Variants in IQSEC3 observed in about 807,000 individuals in gnomAD.
IQSEC3 encodes the protein IQ motif and SEC7 domain-containing protein 3.
Under a neutral mutation model 105.4 loss-of-function variants are expected in IQSEC3, and 50 were observed. The observed-to-expected ratio is 0.47, with a 90% CI of 0.38 to 0.60. IQSEC3 has a LOEUF of 0.60. Ranked by LOEUF, IQSEC3 falls within the 20% of genes least tolerant of loss-of-function variation. IQSEC3 has a pLI of 0.00. For synonymous variants in IQSEC3, 708 were observed against 746.0 expected (o/e 0.95, Z 0.83); for missense variants, 1,415 against 1,630.0 (o/e 0.87, Z 2.27).
intron 5 of IQSEC3, among the ~76,000 whole-genome samples, chr12:155,605 C>T (rs535844158): frequency 6.6e-6 from 1 of 152,306 alleles, no homozygotes; most frequent in Non-Finnish European, 1.5e-5. Context: ...TTGTTTTCTC[C>T]TAAAAACTGA....
chr12:165,920 T>G lies in IQSEC3; in HGVS notation c.2971+30T>G, dbSNP rs782035578. 2.5e-6 allele frequency: 4 copies of G among 1,605,406 alleles called. No homozygotes were observed. The South Asian group carries it at 4.4e-5, about 18-fold the overall frequency. Reference sequence around the variant, plus strand: ...GGACACGGGCTCCCGAGGCAGCTGGTGGGGGTTCCCATTCAGCAAGGGACA... The same window carrying G: ...GGACACGGGCTCCCGAGGCAGCTGGGGGGGGTTCCCATTCAGCAAGGGACA... On this transcript the variant is annotated intron_variant, in intron 11 of 13. Transcript: ENST00000538872.
At chr12:135,028 G>T (rs1865717171) in intron 3 of IQSEC3, among the ~76,000 whole-genome samples, 2 of 152,260 alleles carry the variant, frequency 1.3e-5, no homozygotes, top group African/African-American at 4.8e-5. Flanking sequence ...TACTCAGGAG[G>T]CTGAGGCAGG....
Position 141,304 on chromosome 12 carries a change from G to A in IQSEC3, c.2153+19G>A, listed in dbSNP as rs782789978. ...TGCTGGAGTGAGTACCCCACACTCC[G>A]GGCTTTCCCCACTCCTTCCCACACC... On this transcript the variant is annotated intron_variant, in intron 5 of 13. Transcript: ENST00000538872. 2.4e-5 allele frequency: 38 copies of A among 1,602,856 alleles called. No individual in the cohort carries two copies. The East Asian group carries it at 2.5e-4, about 10-fold the overall frequency.
chr12:107,068 G>A (rs7974165), intron 2 of IQSEC3, among the ~76,000 whole-genome samples: 41,418 of 152,064 alleles, frequency 0.27, 6,659 homozygotes, highest in East Asian at 0.72. Flanking sequence ...AACAAAACAG[G>A]AAGGACAGCT....
chr12:83,877 T>C (rs1863832441), intron 1 of IQSEC3, among the ~76,000 whole-genome samples: 1 of 152,178 alleles, frequency 6.6e-6, no homozygotes, highest in Admixed American at 6.5e-5. Flanking sequence ...ACTTACTTGA[T>C]TTCTGCTGTG....
intron 5 of IQSEC3, among the ~76,000 whole-genome samples, chr12:156,058 C>T (rs1026309392): frequency 6.6e-6 from 1 of 152,144 alleles, no homozygotes; most frequent in African/African-American, 2.4e-5. Context: ...GGTGAGGGGA[C>T]TGGGAGGGTT....
At chr12:76,086 TCACACACACACA>T (rs55736036) in intron 1 of IQSEC3, among the ~76,000 whole-genome samples, 1,890 of 148,368 alleles carry the variant, frequency 0.013, 7 homozygotes, top group Non-Finnish European at 0.016. Context: ...GAGAGTTTCA[TCACACACACACA>T]CACACACACA....
At chr12:147,227 C>T (rs1866313532) in intron 5 of IQSEC3, among the ~76,000 whole-genome samples, 1 of 152,114 alleles carries the variant, frequency 6.6e-6, no homozygotes, top group African/African-American at 2.4e-5. Context: ...GTCACTGTCT[C>T]CAGGGCAGGG....
At chr12:90,896 A>C (rs1412976346) in intron 1 of IQSEC3, among the ~76,000 whole-genome samples, 3 of 152,044 alleles carry the variant, frequency 2.0e-5, no homozygotes, top group African/African-American at 7.2e-5. Flanking sequence ...TCTTTGGAGG[A>C]GGTGAGAAAA....
At chr12:111,854 G>A (rs11064535) in intron 2 of IQSEC3, 12,572 of 152,168 alleles carry the variant, frequency 0.083, 603 homozygotes, top group South Asian at 0.21. Flanking sequence ...AGACTCACCC[G>A]TCCAAACCCA....
rs1192901131 is a variant in IQSEC3 at position 177,745 on chromosome 12, A to C, written c.*2712A>C. Reference sequence around the variant, plus strand: ...CAGGCCAAGGTTGGGACCCCTCTCCATCCCTGTCCCCAGAGCCTAGACCTC... The same window carrying C: ...CAGGCCAAGGTTGGGACCCCTCTCCCTCCCTGTCCCCAGAGCCTAGACCTC... On this transcript the variant is annotated 3_prime_UTR_variant, in exon 14 of 14. Coordinates refer to ENST00000538872, the MANE Select transcript of IQSEC3 (RefSeq NM_001170738.2). The surrounding 1 kb of genome is among the most constrained non-coding windows in gnomAD (Gnocchi z 5.3). 6.6e-6 allele frequency: 1 copy of C among 152,172 alleles called. No homozygotes were observed. Among genetic ancestry groups the C allele is most frequent in the Non-Finnish European group, 1.5e-5 (1 of 68,110 alleles). The allele number at this position is 152,172 out of a possible 1,614,324, so 9.4% of individuals were successfully genotyped here.
At position 125,987 on chromosome 12, in the gene IQSEC3, G is replaced by GAT. The variant is rs1171478311; in HGVS notation, c.903+78_903+79dup. The GAT allele has an allele frequency of 2.1e-5, 30 of 1,407,930 alleles. No homozygotes were observed. In the South Asian group the frequency reaches 3.4e-4, roughly 16 times the overall value. The allele number at this position is 1,407,930 out of a possible 1,614,324, so 87.2% of individuals were successfully genotyped here. A position where few individuals can be genotyped will look rare whatever the true frequency, so the allele number is the denominator to read the frequency against. On this transcript the variant is annotated intron_variant, in intron 3 of 13. Transcript: ENST00000538872. The stretch of plus-strand genomic sequence containing the variant: ...TTTGGGGGCTGTCGAGGGTACCAGG[G>GAT]ATATCCCCGCTGGGTCCCCTCCGCT...
chr12:142,081 T>C (rs550861226), intron 5 of IQSEC3: 14 of 152,408 alleles, frequency 9.2e-5, no homozygotes, highest in African/African-American at 3.4e-4. Flanking sequence ...GTCCCCGAGG[T>C]TGGCCTCCTT....
rs1034762955 is a variant in IQSEC3, at chr12:171,511, C to T, written c.3114+350C>T. The T allele has an allele frequency of 3.3e-6, 2 of 607,054 alleles. 1 individual carries two copies. 37.6% of individuals were successfully genotyped at this position (607,054 alleles called of 1,614,324 possible). On this transcript the variant is annotated intron_variant, in intron 13 of 13. Coordinates refer to ENST00000538872, the MANE Select transcript of IQSEC3 (RefSeq NM_001170738.2). ...CAGCAAATGCTCACTGCTCACTGCT[C>T]CCCCAGTACTTGCTGTATCAGAAGA...
chr12:141,278 G>T lies in IQSEC3; in HGVS notation c.2146G>T (p.Val716Leu), dbSNP rs1555089161. The part of the protein sequence containing the change: ...GNSKKQFNRD[V>L]LDCVVDEMDF... ...CAGCAAGAAGCAGTTCAACCGCGAC[G>T]TGCTGGAGTGAGTACCCCACACTCC... Residue 716 changes from valine (V) to leucine (L), a missense_variant, in exon 5 of 14, where the codon GTG becomes TTG. Val to Leu is a conservative substitution (Grantham distance 32). Around this residue, in one of 6 missense-constraint regions of IQSEC3, gnomAD observed 213 missense variants for 306.2 expected, o/e 0.70. Coordinates refer to ENST00000538872, the MANE Select transcript of IQSEC3 (RefSeq NM_001170738.2). 6.2e-7 allele frequency: 1 copy of T among 1,613,566 alleles called. No individual in the cohort carries two copies. The highest frequency in any genetic ancestry group is 8.5e-7 in the Non-Finnish European group (1 of 1,179,608).
chr12:170,589 C>T (rs1222450126), intron 12 of IQSEC3, among the ~76,000 whole-genome samples: 2 of 152,246 alleles, frequency 1.3e-5, no homozygotes, highest in Non-Finnish European at 2.9e-5. Flanking sequence ...GTCCGCAGGG[C>T]CCCTGCTGCT....
chr12:71,906 G>A (rs1157489317), intron 1 of IQSEC3, among the ~76,000 whole-genome samples: 2 of 152,284 alleles, frequency 1.3e-5, no homozygotes, highest in African/African-American at 4.8e-5. Context: ...AAGGGAGTGT[G>A]CGTCTTTTTA....
chr12:84,425 C>A (rs1555071509), intron 1 of IQSEC3, among the ~76,000 whole-genome samples: 1 of 152,236 alleles, frequency 6.6e-6, no homozygotes, highest in African/African-American at 2.4e-5. Flanking sequence ...TGCGTGTATG[C>A]CTGCACATGT....
chr12:106,564 A>G (rs1864659540), intron 2 of IQSEC3: 1 of 152,274 alleles, frequency 6.6e-6, no homozygotes, highest in South Asian at 2.1e-4. Flanking sequence ...AAATACCCCT[A>G]ACTAAAGATA....
Sources: gnomAD v4.1 joint callset for allele counts (sites outside exome capture counted in the v4.1 genomes callset) on GRCh38, gnomAD v4.1.1 for gene constraint, gnomAD v4.1.1 regional missense constraint, Gnocchi (gnomAD v3.1) non-coding constraint, MANE v1.5 for transcripts, NCBI Gene and HGNC (gene_info 2026-07-23, HGNC 2026-07-21) for gene names.